Variants in ERC1 observed in about 807,000 individuals in gnomAD.
ERC1 encodes the protein ELKS/RAB6-interacting/CAST family member 1, also known as RAB6 interacting protein 2.
Under a neutral mutation model 132.0 loss-of-function variants are expected in ERC1, and 56 were observed. The ratio of observed to expected loss-of-function variants is 0.42; its 90% CI spans 0.34 to 0.53. The LOEUF is 0.53. Ranked by LOEUF, ERC1 falls within the 20% of genes least tolerant of loss-of-function variation. The pLI is 0.03. For missense variants in ERC1, 1,202 were observed against 1,349.9 expected, an observed-to-expected ratio of 0.89 and a Z score of 1.72; for synonymous variants, 478 against 476.1, an observed-to-expected ratio of 1.00 and a Z score of -0.05.
At chr12:1,399,842 G>A (rs900322147) in intron 16 of ERC1, among the ~76,000 whole-genome samples, 10 of 152,162 alleles carry the variant, frequency 6.6e-5, no homozygotes, top group African/African-American at 1.9e-4. Flanking sequence ...TAATGATGCC[G>A]TGAACATTTG....
intron 2 of ERC1, among the ~76,000 whole-genome samples, chr12:1,037,505 T>C (rs576428126): frequency 6.6e-6 from 1 of 152,314 alleles, no homozygotes; most frequent in Non-Finnish European, 1.5e-5. Flanking sequence ...TGCACTGTTA[T>C]GCCCAGAAGA....
At position 1,290,735 on chromosome 12, in the gene ERC1, A is replaced by G. The variant is rs1255203033; in HGVS notation, c.2780+723A>G. Among the ~76,000 whole-genome samples, 6 of 144,548 alleles carry G rather than the reference A, an allele frequency of 4.2e-5. No individual in the cohort carries two copies. In the East Asian group the frequency reaches 9.8e-4, roughly 24 times the overall value. 94.8% of individuals were successfully genotyped at this position (144,548 alleles called of 152,430 possible). ...AAGACCCTACTGCTATTTTACTGAAACCAGGTCTATCCTGGGATCCCTCAG... is the reference window on the plus strand; with the variant it reads ...AAGACCCTACTGCTATTTTACTGAAGCCAGGTCTATCCTGGGATCCCTCAG... On this transcript the variant is annotated intron_variant, in intron 15 of 18. Coordinates refer to ENST00000360905, the MANE Select transcript of ERC1 (RefSeq NM_178040.4).
At chr12:1,321,223 A>G (rs1452009259) in intron 15 of ERC1, among the ~76,000 whole-genome samples, 1 of 152,228 alleles carries the variant, frequency 6.6e-6, no homozygotes, top group Non-Finnish European at 1.5e-5. Context: ...CAGTTTCCAC[A>G]TGTATGTAAA....
intron 2 of ERC1, among the ~76,000 whole-genome samples, chr12:1,064,144 G>C (rs1242476702): frequency 6.6e-6 from 1 of 151,774 alleles, no homozygotes; most frequent in Admixed American, 6.6e-5. Flanking sequence ...TAAAGTTTCT[G>C]CTGAGAAATC....
At chr12:1,366,988 C>A (rs573343662) in intron 15 of ERC1, among the ~76,000 whole-genome samples, 1 of 152,170 alleles carries the variant, frequency 6.6e-6, no homozygotes, top group African/African-American at 2.4e-5. Flanking sequence ...CACAGAGGCT[C>A]TCCCATGGAC....
At chr12:1,317,678 A>T (rs927899882) in intron 15 of ERC1, among the ~76,000 whole-genome samples, 1 of 152,352 alleles carries the variant, frequency 6.6e-6, no homozygotes, top group Non-Finnish European at 1.5e-5. Context: ...CTGCATACTG[A>T]CTAGCCCCAC....
At chr12:1,447,346 C>T (rs940122235) in intron 18 of ERC1, among the ~76,000 whole-genome samples, 6 of 151,942 alleles carry the variant, frequency 3.9e-5, no homozygotes, top group African/African-American at 1.2e-4. Flanking sequence ...AGAGAGACCT[C>T]GTCTTTAAAA....
chr12:1,311,472 G>T (rs2081298715), intron 15 of ERC1, among the ~76,000 whole-genome samples: 1 of 150,688 alleles, frequency 6.6e-6, no homozygotes, highest in South Asian at 2.1e-4. Context: ...ATATGCCTTT[G>T]ATCTTTCTTA....
chr12:1,132,235 TAAGACA>T (rs1166874605), intron 7 of ERC1, among the ~76,000 whole-genome samples: 2 of 152,170 alleles, frequency 1.3e-5, no homozygotes, highest in East Asian at 1.9e-4. Context: ...AAAAGCAGAC[TAAGACA>T]AAGTGTACAC....
chr12:1,278,483 T>A (rs2078437951), intron 14 of ERC1, among the ~76,000 whole-genome samples: 1 of 151,714 alleles, frequency 6.6e-6, no homozygotes, highest in Non-Finnish European at 1.5e-5. Flanking sequence ...TGTAGCCACC[T>A]TAAAAAATCT....
chr12:1,438,980 C>T (rs997319414), intron 17 of ERC1, among the ~76,000 whole-genome samples: 1 of 146,638 alleles, frequency 6.8e-6, no homozygotes, highest in Non-Finnish European at 1.5e-5. Flanking sequence ...TAAAAAATGA[C>T]ATCTTTCAAC....
chr12:1,454,326 G>A (rs954049390), intron 18 of ERC1, among the ~76,000 whole-genome samples: 1 of 152,044 alleles, frequency 6.6e-6, no homozygotes, highest in Non-Finnish European at 1.5e-5. Flanking sequence ...GTAATAAATG[G>A]GTAAACATGA....
At chr12:1,111,165 A>T (rs1320787352) in intron 5 of ERC1, among the ~76,000 whole-genome samples, 1 of 152,146 alleles carries the variant, frequency 6.6e-6, no homozygotes, top group Non-Finnish European at 1.5e-5. Flanking sequence ...TATGACAAAG[A>T]TTGATACCAC....
At chr12:1,328,479 T>G (rs547835908) in intron 15 of ERC1, among the ~76,000 whole-genome samples, 190 of 152,246 alleles carry the variant, frequency 1.2e-3, no homozygotes, top group African/African-American at 4.0e-3. Context: ...GGTCATGTTA[T>G]TTCCTCTTAA....
intron 12 of ERC1, among the ~76,000 whole-genome samples, chr12:1,190,469 A>C (rs916658747): frequency 1.3e-5 from 2 of 152,134 alleles, no homozygotes; most frequent in African/African-American, 4.8e-5. Context: ...TTGGGCTATA[A>C]ATTTTTAGAC....
intron 7 of ERC1, among the ~76,000 whole-genome samples, chr12:1,129,892 T>G (rs928501903): frequency 6.6e-6 from 1 of 151,760 alleles, no homozygotes; most frequent in African/African-American, 2.4e-5. Flanking sequence ...TAATCTAATA[T>G]CAATATAATA....
At chr12:1,128,827 A>G (rs571455852) in intron 7 of ERC1, among the ~76,000 whole-genome samples, 4 of 152,356 alleles carry the variant, frequency 2.6e-5, no homozygotes, top group South Asian at 2.1e-4. Context: ...CATGAAATAT[A>G]TAGTAACTAA....
chr12:1,077,446 G>A (rs1430574984), intron 2 of ERC1, among the ~76,000 whole-genome samples: 1 of 152,160 alleles, frequency 6.6e-6, no homozygotes, highest in Admixed American at 6.5e-5. Flanking sequence ...AAAAGTCATA[G>A]GCCCTGTCAG....
chr12:1,154,259 G>GTATATGTATA (rs770106648), intron 8 of ERC1, among the ~76,000 whole-genome samples: 94 of 137,202 alleles, frequency 6.9e-4, no homozygotes, highest in South Asian at 1.8e-3. Context: ...ATATGTATAT[G>GTATATGTATA]TGTATATATA....
Sources: gnomAD v4.1 joint callset for allele counts (sites outside exome capture counted in the v4.1 genomes callset) on GRCh38, gnomAD v4.1.1 for gene constraint, MANE v1.5 for transcripts, NCBI Gene and HGNC (gene_info 2026-07-23, HGNC 2026-07-21) for gene names.